The following TMEFF2 variants were observed in gnomAD, a reference collection of about 807,000 sequenced individuals.
The protein encoded by TMEFF2 is tomoregulin-2.
A neutral mutation model predicts 53.8 loss-of-function variants in TMEFF2; 28 were observed. The observed-to-expected ratio is 0.52, with a 90% confidence interval of 0.39 to 0.71. The LOEUF is 0.71. TMEFF2 is among the 30% of genes least tolerant of loss of function. The pLI, the probability that TMEFF2 is intolerant of heterozygous loss-of-function variation, is 0.00. For missense variants in TMEFF2, 353 were observed against 455.2 expected, an observed-to-expected ratio of 0.78 and a Z score of 2.04; for synonymous variants, 162 against 166.3, an observed-to-expected ratio of 0.97 and a Z score of 0.20.
At chr2:192,130,423 CCT>C (rs1689789701) in intron 4 of TMEFF2, among the ~76,000 whole-genome samples, 1 of 152,286 alleles carries the variant, frequency 6.6e-6, no homozygotes, top group African/African-American at 2.4e-5. Flanking sequence ...CATCGCATCC[CCT>C]GTGACTTGCA....
chr2:191,983,529 T>C (rs772939233), intron 7 of TMEFF2, among the ~76,000 whole-genome samples: 1 of 151,924 alleles, frequency 6.6e-6, no homozygotes, highest in Non-Finnish European at 1.5e-5. Context: ...GGTGAAGAAA[T>C]AGTGGTAAAA....
chr2:192,013,523 G>A (rs1223090394), intron 5 of TMEFF2, among the ~76,000 whole-genome samples: 1 of 150,088 alleles, frequency 6.7e-6, no homozygotes, highest in African/African-American at 2.5e-5. Context: ...CAATCTCACT[G>A]CACTGTAACC....
At chr2:192,178,051 T>G (rs1691094065) in intron 4 of TMEFF2, 1 of 151,016 alleles carries the variant, frequency 6.6e-6, no homozygotes, top group Non-Finnish European at 1.5e-5. Context: ...GAAGACATTC[T>G]TGGTATGTTT....
chr2:192,008,435 T>A (rs1686551718), intron 5 of TMEFF2, among the ~76,000 whole-genome samples: 1 of 152,218 alleles, frequency 6.6e-6, no homozygotes, highest in African/African-American at 2.4e-5. Flanking sequence ...CATCTTAAAA[T>A]ACTCAAAGCA....
chr2:192,009,919 C>G (rs1231144377), intron 5 of TMEFF2, among the ~76,000 whole-genome samples: 1 of 152,134 alleles, frequency 6.6e-6, no homozygotes, highest in African/African-American at 2.4e-5. Context: ...TTAGTTTTGA[C>G]ATTTTGCTTA....
intron 4 of TMEFF2, among the ~76,000 whole-genome samples, chr2:192,153,072 T>A (rs1690426129): frequency 6.6e-6 from 1 of 151,208 alleles, no homozygotes; most frequent in Non-Finnish European, 1.5e-5. Context: ...GAGCCTATAT[T>A]TAAATATTTT....
intron 4 of TMEFF2, among the ~76,000 whole-genome samples, chr2:192,140,397 C>T (rs143302157): frequency 8.5e-5 from 13 of 152,218 alleles, no homozygotes; most frequent in African/African-American, 3.1e-4. Context: ...AATCTGGCTG[C>T]TAAAGTTGTA....
chr2:191,979,888 C>T (rs890872793), intron 7 of TMEFF2, among the ~76,000 whole-genome samples: 1 of 151,362 alleles, frequency 6.6e-6, no homozygotes, highest in African/African-American at 2.4e-5. Flanking sequence ...GTTTTAGCAC[C>T]TGTATGTGGC....
chr2:191,994,008 C>G (rs1198622986), intron 7 of TMEFF2, among the ~76,000 whole-genome samples: 1 of 151,876 alleles, frequency 6.6e-6, no homozygotes, highest in African/African-American at 2.4e-5. Context: ...TTAGCAGATA[C>G]CTATGTTGAC....
intron 4 of TMEFF2, among the ~76,000 whole-genome samples, chr2:192,152,241 A>C (rs750385931): frequency 2.0e-5 from 3 of 151,914 alleles, no homozygotes; most frequent in Non-Finnish European, 2.9e-5. Flanking sequence ...TGTATTGTAA[A>C]TATTATACTA....
intron 7 of TMEFF2, among the ~76,000 whole-genome samples, chr2:191,996,818 T>C (rs1164189098): frequency 6.6e-6 from 1 of 151,872 alleles, no homozygotes; most frequent in Admixed American, 6.6e-5. Flanking sequence ...TGCTTCCACA[T>C]ATTATGAAAG....
At chr2:192,144,228 T>C (rs1690199849) in intron 4 of TMEFF2, among the ~76,000 whole-genome samples, 1 of 152,126 alleles carries the variant, frequency 6.6e-6, no homozygotes, top group Non-Finnish European at 1.5e-5. Context: ...TCTGATTTCA[T>C]TTCTCAAATA....
chr2:192,093,652 A>G (rs1211991699), intron 4 of TMEFF2, among the ~76,000 whole-genome samples: 1 of 152,074 alleles, frequency 6.6e-6, no homozygotes, highest in Non-Finnish European at 1.5e-5. Context: ...GGCACCAGGA[A>G]TCTCCATAGA....
At chr2:191,999,278 A>C in intron 5 of TMEFF2, 70 bp from the exon 6 acceptor site, 4 of 1,324,216 alleles carry the variant, frequency 3.0e-6, no homozygotes, top group Non-Finnish European at 4.0e-6. Context: ...TAAAACACAA[A>C]TGAAAGAATT....
At chr2:192,047,428 T>C (rs1687651392) in intron 5 of TMEFF2, among the ~76,000 whole-genome samples, 1 of 152,134 alleles carries the variant, frequency 6.6e-6, no homozygotes, top group Non-Finnish European at 1.5e-5. Context: ...ATAATTTTGA[T>C]TGTAGAAAGC....
chr2:191,999,921 T>G (rs1017853669), intron 5 of TMEFF2, among the ~76,000 whole-genome samples: 1 of 152,102 alleles, frequency 6.6e-6, no homozygotes, highest in Non-Finnish European at 1.5e-5. Context: ...ACTACTATTT[T>G]TCTACCTCTC....
At chr2:191,951,820 G>A (rs969466364) in intron 9 of TMEFF2, among the ~76,000 whole-genome samples, 3 of 152,144 alleles carry the variant, frequency 2.0e-5, no homozygotes, top group Non-Finnish European at 2.9e-5. Context: ...TACTAATACA[G>A]TTTATGTGCT....
intron 5 of TMEFF2, among the ~76,000 whole-genome samples, chr2:192,006,897 T>C (rs1487184248): frequency 6.6e-6 from 1 of 152,144 alleles, no homozygotes; most frequent in Non-Finnish European, 1.5e-5. Context: ...GAGTTGGAGT[T>C]ATATTAGATA....
intron 8 of TMEFF2, among the ~76,000 whole-genome samples, chr2:191,955,524 A>ATTTTTTTTTTTTCTTTTTTTTTTTTTT (rs1692049645): frequency 1.7e-5 from 1 of 60,304 alleles, no homozygotes; most frequent in Non-Finnish European, 2.9e-5. Flanking sequence ...CTAATTCTTA[A>ATTTTTTTTTTTTCTTTTTTTTTTTTTT]TTTTTTTTTT....
Sources: allele counts gnomAD v4.1 joint callset (sites outside exome capture counted in the v4.1 genomes callset), GRCh38; gene constraint gnomAD v4.1.1; transcripts MANE v1.5; gene names NCBI Gene and HGNC (gene_info 2026-07-23, HGNC 2026-07-21).